ST8SIA5: variants seen among roughly 807,000 people sequenced by gnomAD.
ST8SIA5 encodes alpha-2,8-sialyltransferase 8E.
ST8SIA5 carries 24 observed loss-of-function variants against 40.2 expected under a neutral mutation model. The ratio of observed to expected loss-of-function variants is 0.60; its 90% CI spans 0.43 to 0.84. ST8SIA5 has a LOEUF of 0.84. Ranked by LOEUF, ST8SIA5 falls within the 40% of genes least tolerant of loss-of-function variation. The pLI, the probability that ST8SIA5 is intolerant of heterozygous loss-of-function variation, is 0.00. For synonymous variants in ST8SIA5, 198 were observed against 201.8 expected (o/e 0.98, Z 0.16); for missense variants, 465 against 498.5 (o/e 0.93, Z 0.64).
intron 1 of ST8SIA5, among the ~76,000 whole-genome samples, chr18:46,742,723 T>C (rs1362414073): frequency 6.6e-6 from 1 of 152,204 alleles, no homozygotes; most frequent in Non-Finnish European, 1.5e-5. Flanking sequence ...TCTCCCAGCA[T>C]GGTCTTTGAT....
In ST8SIA5 at chr18:46,680,349, T is replaced by C. The variant is rs1396435615; in HGVS notation, c.824A>G (p.Tyr275Cys). ...LDDFESPQAV[Y>C]YFHPQYLVNV... ...GACCAGGTACTGCGGATGGAAGTAG[T>C]AGACAGCTTGCGGCGATTCGAAGTC... is the stretch of plus-strand genomic sequence containing the variant. The change falls in exon 7 of 7, where the codon TAC becomes TGC. Residue 275 changes from tyrosine (Y) to cysteine (C), a missense_variant. Tyr to Cys is a radical substitution (Grantham distance 194). Transcript: ENST00000315087. The C allele has an allele frequency of 6.2e-7, 1 of 1,614,192 alleles. No individual in the cohort carries two copies. The highest frequency in any genetic ancestry group is 1.1e-5 in the South Asian group (1 of 91,088).
At position 46,680,071 on chromosome 18, in the gene ST8SIA5, C is replaced by A. The variant is rs1001225199; in HGVS notation, c.1102G>T (p.Val368Leu). The A allele has an allele frequency of 2.5e-6, 4 of 1,612,098 alleles. No homozygotes were observed. Among genetic ancestry groups the A allele is most frequent in the South Asian group, 1.1e-5 (1 of 90,848 alleles). ...CAGCAGCTGCAGGTGCCCGTGTGCA[C>A]GCGGAGGATGCCTCGGCTGTGCAAG... ...LHLHSRGILR[V>L]HTGTCSCC The change falls in exon 7 of 7, where the codon GTG becomes TTG. Residue 368 changes from valine (V) to leucine (L), a missense_variant. Coordinates refer to ENST00000315087, the MANE Select transcript of ST8SIA5 (RefSeq NM_013305.6).
At chr18:46,726,825 A>G (rs1427908711) in intron 1 of ST8SIA5, among the ~76,000 whole-genome samples, 3 of 152,130 alleles carry the variant, frequency 2.0e-5, no homozygotes, top group Non-Finnish European at 4.4e-5. Context: ...AGGCTGAGGC[A>G]GAGTATTGCT....
At chr18:46,740,619 C>T (rs9304334) in intron 1 of ST8SIA5, among the ~76,000 whole-genome samples, 86,511 of 151,904 alleles carry the variant, frequency 0.57, 24,922 homozygotes, top group Middle Eastern at 0.65. Context: ...AAACTTGAAG[C>T]CTCTGGACAT....
At chr18:46,721,107 A>G (rs2039857777) in intron 1 of ST8SIA5, among the ~76,000 whole-genome samples, 1 of 151,236 alleles carries the variant, frequency 6.6e-6, no homozygotes, top group Admixed American at 6.6e-5. Context: ...TGAGACCAAG[A>G]CTCCCCACCC....
intron 1 of ST8SIA5, among the ~76,000 whole-genome samples, chr18:46,719,700 T>TTCTTTCTTTCTTTCTTTCTTTCTTTCTC (rs1414989592): frequency 6.7e-6 from 1 of 148,494 alleles, no homozygotes; most frequent in Non-Finnish European, 1.5e-5. Flanking sequence ...CTTTCTTTCT[T>TTCTTTCTTTCTTTCTTTCTTTCTTTCTC]TCTTTCTCTC....
At chr18:46,745,114 G>A (rs2040126455) in intron 1 of ST8SIA5, among the ~76,000 whole-genome samples, 1 of 152,172 alleles carries the variant, frequency 6.6e-6, no homozygotes, top group African/African-American at 2.4e-5. Flanking sequence ...GAGAAAGCAG[G>A]AAAGATCTAA....
In ST8SIA5 at chr18:46,700,334, C is replaced by A. The variant is rs183872195; in HGVS notation, c.224+4238G>T. Among the ~76,000 whole-genome samples, 684 of 152,314 alleles carry A rather than the reference C, an allele frequency of 4.5e-3. 1 individual carries two copies. The highest frequency in any genetic ancestry group is 7.8e-3 in the Non-Finnish European group (534 of 68,030). On this transcript the variant is annotated intron_variant, in intron 2 of 6. Transcript: ENST00000315087. ...AAAACACCAGCTGACATTCTGCAGG[C>A]CCGAAGGGGCAAAGCACATCCATCA...
Position 46,756,375 on chromosome 18 carries a change from T to TA in ST8SIA5, c.131+2dup, listed in dbSNP as rs779386522. 1 of 1,611,748 alleles carries TA rather than the reference T, an allele frequency of 6.2e-7. No individual in the cohort carries two copies. The highest frequency in any genetic ancestry group is 8.5e-7 in the Non-Finnish European group (1 of 1,178,584). On this transcript the variant is annotated splice_region_variant and intron_variant, in intron 1 of 6. Coordinates refer to ENST00000315087, the MANE Select transcript of ST8SIA5 (RefSeq NM_013305.6). Reference sequence around the variant, plus strand: ...ATCCCGCCCTCTCAATGGACTTTCTTACCTCTTAATGTAGTTCCTGCCATA... The same window carrying TA: ...ATCCCGCCCTCTCAATGGACTTTCTTAACCTCTTAATGTAGTTCCTGCCATA...
chr18:46,682,573 A>G (rs2039408241), intron 5 of ST8SIA5, among the ~76,000 whole-genome samples: 2 of 152,246 alleles, frequency 1.3e-5, no homozygotes, highest in African/African-American at 2.4e-5. Context: ...ATTTGTAGAA[A>G]GCCCCATAGT....
rs1423897155 is a variant in ST8SIA5, at chr18:46,677,384, C to T, written c.*2658G>A. 6.6e-6 allele frequency: 1 copy of T among 151,814 alleles called. No homozygotes were observed. The highest frequency in any genetic ancestry group is 1.9e-4 in the East Asian group (1 of 5,196). The allele number at this position is 151,814 out of a possible 1,614,324, so 9.4% of individuals were successfully genotyped here. On this transcript the variant is annotated 3_prime_UTR_variant, in exon 7 of 7. Coordinates refer to ENST00000315087, the MANE Select transcript of ST8SIA5 (RefSeq NM_013305.6). ...TTGCTTTAAGCCTCTGTCTCCTCAT[C>T]TGTACAATGGGAGCCTCCTTACCCA...
intron 1 of ST8SIA5, among the ~76,000 whole-genome samples, chr18:46,714,005 A>G (rs888130388): frequency 5.3e-5 from 8 of 152,152 alleles, no homozygotes; most frequent in Admixed American, 3.3e-4. Context: ...AAGAAAAGAG[A>G]GACTTCAGTG....
chr18:46,689,392 C>T (rs1037481517), intron 3 of ST8SIA5, among the ~76,000 whole-genome samples: 3 of 152,130 alleles, frequency 2.0e-5, no homozygotes, highest in Admixed American at 1.3e-4. Context: ...ACTTGGGCTG[C>T]CGTCCTGGTG....
At chr18:46,734,843 T>C (rs2040018835) in intron 1 of ST8SIA5, among the ~76,000 whole-genome samples, 1 of 152,250 alleles carries the variant, frequency 6.6e-6, no homozygotes, top group Non-Finnish European at 1.5e-5. Flanking sequence ...GAGAGCACCC[T>C]GTTTCATCCA....
At chr18:46,686,868 AT>A (rs1280976433) in intron 4 of ST8SIA5, among the ~76,000 whole-genome samples, 2 of 151,268 alleles carry the variant, frequency 1.3e-5, no homozygotes, top group Non-Finnish European at 1.5e-5. Flanking sequence ...AAAGTTTATT[AT>A]GTTCCATATG....
chr18:46,693,901 C>G (rs1039842172), intron 2 of ST8SIA5, among the ~76,000 whole-genome samples: 18 of 152,212 alleles, frequency 1.2e-4, no homozygotes, highest in Admixed American at 2.6e-4. Context: ...ATTACCTATC[C>G]CTATCTTTAG....
chr18:46,720,405 C>T (rs1022645228), intron 1 of ST8SIA5, among the ~76,000 whole-genome samples: 1 of 152,160 alleles, frequency 6.6e-6, no homozygotes, highest in South Asian at 2.1e-4. Flanking sequence ...CCACAGCGTG[C>T]GACCATCCCC....
intron 1 of ST8SIA5, among the ~76,000 whole-genome samples, chr18:46,738,251 CAA>C (rs10645121): frequency 7.2e-6 from 1 of 138,884 alleles, no homozygotes; most frequent in Non-Finnish European, 1.5e-5. Context: ...ATAGAAATGT[CAA>C]AAAAAAAAAA....
chr18:46,737,522 C>A (rs1441866596), intron 1 of ST8SIA5, among the ~76,000 whole-genome samples: 1 of 152,102 alleles, frequency 6.6e-6, no homozygotes, highest in Non-Finnish European at 1.5e-5. Flanking sequence ...CGTATGAATC[C>A]ATCCATTCAA....
Sources: allele counts gnomAD v4.1 joint callset (sites outside exome capture counted in the v4.1 genomes callset), GRCh38; gene constraint gnomAD v4.1.1; transcripts MANE v1.5; gene names NCBI Gene and HGNC (gene_info 2026-07-23, HGNC 2026-07-21).